MAMLD1: variants seen among roughly 807,000 people sequenced by gnomAD.
The protein encoded by MAMLD1 is mastermind-like domain-containing protein 1.
Under a neutral mutation model 45.0 loss-of-function variants are expected in MAMLD1, and 14 were observed. The ratio of observed to expected loss-of-function variants is 0.31; its 90% CI spans 0.21 to 0.49. The LOEUF is 0.49. MAMLD1 is among the 20% of genes least tolerant of loss of function. The pLI, the probability that MAMLD1 is intolerant of heterozygous loss-of-function variation, is 0.99. For missense variants in MAMLD1, 543 were observed against 603.6 expected, an observed-to-expected ratio of 0.90 and a Z score of 1.05; for synonymous variants, 254 against 247.8, an observed-to-expected ratio of 1.02 and a Z score of -0.24.
At chrX:150,371,288 C>T (rs1482486106) in intron 1 of MAMLD1, among the ~76,000 whole-genome samples, 2 of 111,245 alleles carry the variant, frequency 1.8e-5, no homozygotes, top group Non-Finnish European at 3.8e-5. Flanking sequence ...AGGCCATTTT[C>T]TTAAGGCTGA....
intron 1 of MAMLD1, among the ~76,000 whole-genome samples, chrX:150,439,047 G>A (rs1190624194): frequency 8.9e-6 from 1 of 112,093 alleles, no homozygotes; most frequent in Non-Finnish European, 1.9e-5. Context: ...ATTCTAGTGG[G>A]TGGGAAGTGG....
intron 3 of MAMLD1, among the ~76,000 whole-genome samples, chrX:150,467,130 T>TAAG (rs2036249789): frequency 8.9e-6 from 1 of 111,836 alleles, no homozygotes; most frequent in African/African-American, 3.3e-5. Flanking sequence ...GGGATCCTTA[T>TAAG]GTCAAATCCA....
At chrX:150,401,223 C>T (rs1263252904) in intron 1 of MAMLD1, among the ~76,000 whole-genome samples, 3 of 110,233 alleles carry the variant, frequency 2.7e-5, no homozygotes, top group African/African-American at 9.9e-5. Flanking sequence ...TCAGCAAAGT[C>T]TCAGGATACA....
At chrX:150,421,369 GA>G (rs782771677) in intron 1 of MAMLD1, among the ~76,000 whole-genome samples, 1 of 112,760 alleles carries the variant, frequency 8.9e-6, no homozygotes, top group South Asian at 3.7e-4. Flanking sequence ...CGGTACCTCA[GA>G]TGGAAATGGA....
At chrX:150,439,219 T>A (rs1557404403) in intron 1 of MAMLD1, among the ~76,000 whole-genome samples, 1 of 112,130 alleles carries the variant, frequency 8.9e-6, no homozygotes, top group Non-Finnish European at 1.9e-5. Flanking sequence ...TTTTAGGTGT[T>A]ATGTGTATAT....
At chrX:150,365,431 G>C (rs1324676499) in intron 1 of MAMLD1, among the ~76,000 whole-genome samples, 2 of 112,961 alleles carry the variant, frequency 1.8e-5, no homozygotes, top group Non-Finnish European at 3.8e-5. Flanking sequence ...GCGAGCTGGC[G>C]GGCGCGCGCA....
intron 5 of MAMLD1, among the ~76,000 whole-genome samples, chrX:150,483,922 T>C (rs1476148965): frequency 6.2e-5 from 7 of 112,735 alleles, no homozygotes; most frequent in Non-Finnish European, 7.5e-5. Flanking sequence ...TACTTTTCCC[T>C]GATTAAGATT....
At chrX:150,451,616 A>C (rs1450398838) in intron 2 of MAMLD1, among the ~76,000 whole-genome samples, 2 of 111,618 alleles carry the variant, frequency 1.8e-5, no homozygotes, top group African/African-American at 6.5e-5. Flanking sequence ...TTTGGGCAAC[A>C]AATTTTGATT....
Position 150,387,615 on chromosome X carries a change from C to T in MAMLD1, c.-64+24085C>T, listed in dbSNP as rs782084334. ...TTGATATATGAGTGGGGTCCTGGAA[C>T]CAACCCTTCATGTATACCAAGGGAG... On this transcript the variant is annotated intron_variant, in intron 1 of 7. Coordinates refer to ENST00000370401, the MANE Select transcript of MAMLD1 (RefSeq NM_005491.5). Among the ~76,000 whole-genome samples, 3 of 111,895 alleles carry T rather than the reference C, an allele frequency of 2.7e-5. No individual in the cohort carries two copies. The East Asian group carries it at 8.3e-4, about 31-fold the overall frequency.
rs782470069 is a variant in MAMLD1, at chrX:150,472,139, C to T, written c.1917+649C>T. ...GAACTTGAAGCCAGGTGGTCTCACT[C>T]CAGAGCCTGTGCTCTTCTTGAAATT... is the stretch of plus-strand genomic sequence containing the variant. On this transcript the variant is annotated intron_variant, in intron 4 of 7. Transcript: ENST00000370401. Among the ~76,000 whole-genome samples the T allele has an allele frequency of 1.5e-3, 166 of 112,099 alleles. 2 individuals carry two copies. The highest frequency in any genetic ancestry group is 5.2e-3 in the African/African-American group (160 of 30,862).
At chrX:150,451,650 T>C (rs1179766806) in intron 2 of MAMLD1, among the ~76,000 whole-genome samples, 1 of 111,590 alleles carries the variant, frequency 9.0e-6, no homozygotes, top group Non-Finnish European at 1.9e-5. Context: ...TAGAATAATT[T>C]GTTGGAAACC....
intron 4 of MAMLD1, among the ~76,000 whole-genome samples, chrX:150,472,525 G>A (rs1437976802): frequency 8.9e-6 from 1 of 112,182 alleles, no homozygotes; most frequent in South Asian, 3.7e-4. Flanking sequence ...GTTGGACTGA[G>A]GCCTCGGTTT....
chrX:150,471,358 G>C lies in MAMLD1; in HGVS notation c.1785G>C (p.Gln595His). 2.5e-6 allele frequency: 3 copies of C among 1,210,623 alleles called. No homozygotes were observed. The highest frequency in any genetic ancestry group is 3.4e-6 in the Non-Finnish European group (3 of 895,001). ...TASSTATATL[Q>H]LQQQQQQQQQ... ...CCTCCACGGCCACTGCCACCTTGCA[G>C]CTGCAGCAGCAGCAGCAGCAACAGC... The change falls in exon 4 of 8, where the codon CAG (glutamine) becomes CAC (histidine). Residue 595 changes from glutamine (Q) to histidine (H), a missense_variant. By Grantham distance (24) the Gln-to-His change is conservative. Transcript: ENST00000370401.
chrX:150,398,026 T>G lies in MAMLD1; in HGVS notation c.-64+34496T>G, dbSNP rs138240232. 5.5e-3 allele frequency among the ~76,000 whole-genome samples: 605 copies of G among 109,211 alleles called. 7 individuals are homozygous for G. Among genetic ancestry groups the G allele is most frequent in the African/African-American group, 0.019 (579 of 29,931 alleles). The allele number at this position is 109,211 out of a possible 115,157, so 94.8% of individuals were successfully genotyped here. A position where few individuals can be genotyped will look rare whatever the true frequency, so the allele number is the denominator to read the frequency against. Reference sequence around the variant, plus strand: ...ACATACTTTTCCATGTATATGTCAGTCAAATCCATCCCCTTCTTTCTAAAA... The same window carrying G: ...ACATACTTTTCCATGTATATGTCAGGCAAATCCATCCCCTTCTTTCTAAAA... On this transcript the variant is annotated intron_variant, in intron 1 of 7. Coordinates refer to ENST00000370401, the MANE Select transcript of MAMLD1 (RefSeq NM_005491.5).
intron 2 of MAMLD1, among the ~76,000 whole-genome samples, chrX:150,451,541 T>C (rs2035664627): frequency 1.8e-5 from 2 of 111,688 alleles, no homozygotes; most frequent in Admixed American, 1.9e-4. Context: ...GATATTTGGG[T>C]TATAAGCTAC....
At chrX:150,420,793 G>A (rs201322488) in intron 1 of MAMLD1, among the ~76,000 whole-genome samples, 41 of 98,504 alleles carry the variant, frequency 4.2e-4, no homozygotes, top group African/African-American at 1.4e-3. Flanking sequence ...CAGTCTGCCC[G>A]TTCTCAGATC....
intron 5 of MAMLD1, among the ~76,000 whole-genome samples, chrX:150,501,832 A>G (rs1399634010): frequency 2.7e-5 from 3 of 112,553 alleles, no homozygotes; most frequent in African/African-American, 9.7e-5. Context: ...ATCATATAAC[A>G]TGCTAATGAC....
intron 1 of MAMLD1, among the ~76,000 whole-genome samples, chrX:150,364,456 G>C (rs2124433292): frequency 8.9e-6 from 1 of 112,990 alleles, no homozygotes; most frequent in African/African-American, 3.2e-5. Context: ...CACGCGCCTC[G>C]GGCTGGAGCA....
At chrX:150,504,583 G>A (rs2037666834) in intron 6 of MAMLD1, 1 of 529,575 alleles carries the variant, frequency 1.9e-6, no homozygotes, top group African/African-American at 2.6e-5. Flanking sequence ...AGCTGCCAGG[G>A]AAACAGAATT....
Sources: allele counts gnomAD v4.1 joint callset (sites outside exome capture counted in the v4.1 genomes callset), GRCh38; gene constraint gnomAD v4.1.1; transcripts MANE v1.5; gene names NCBI Gene and HGNC (gene_info 2026-07-23, HGNC 2026-07-21).